Variants in RCAN2 observed in about 807,000 individuals in gnomAD.
The protein encoded by RCAN2 is calcipressin-2.
In RCAN2, 9 loss-of-function variants were observed where a neutral mutation model predicts 23.6. That is an observed-to-expected ratio of 0.38 (90% confidence interval 0.23 to 0.67). The LOEUF (loss-of-function observed/expected upper bound fraction) is 0.67. Among genes scored for constraint, RCAN2 ranks in the 30% least tolerant of loss-of-function variants. RCAN2 has a pLI of 0.51. For missense variants in RCAN2, 273 were observed against 302.3 expected (o/e 0.90, Z 0.72); for synonymous variants, 109 against 115.7 (o/e 0.94, Z 0.37).
At chr6:46,260,212 A>G (rs561867565) in intron 2 of RCAN2, among the ~76,000 whole-genome samples, 2 of 152,186 alleles carry the variant, frequency 1.3e-5, no homozygotes, top group African/African-American at 2.4e-5. Context: ...AAAGACACTT[A>G]TCACTGAGGA....
In RCAN2 at chr6:46,253,376, A is replaced by G. The variant is rs563281989; in HGVS notation, c.226-4480T>C. Among the ~76,000 whole-genome samples, 390 of 152,346 alleles carry G rather than the reference A, an allele frequency of 2.6e-3. 1 individual carries two copies. The highest frequency in any genetic ancestry group is 4.6e-3 in the Non-Finnish European group (313 of 68,018). On this transcript the variant is annotated intron_variant, in intron 2 of 4. Coordinates refer to ENST00000371374, the MANE Select transcript of RCAN2 (RefSeq NM_001251974.2). ...TTTGAGAAACTGTCTGCCAAATACC[A>G]AAGTGTCCATAACTATACTTTGCCT...
At chr6:46,449,522 C>A (rs920834495) in intron 2 of RCAN2, among the ~76,000 whole-genome samples, 1 of 150,314 alleles carries the variant, frequency 6.7e-6, no homozygotes. Context: ...TATATGGAAC[C>A]ACAAAGGACT....
chr6:46,473,477 A>T (rs1201534918), intron 1 of RCAN2, among the ~76,000 whole-genome samples: 1 of 152,172 alleles, frequency 6.6e-6, no homozygotes, highest in Non-Finnish European at 1.5e-5. Flanking sequence ...ATAAACTATT[A>T]CCTATAAATC....
chr6:46,479,398 C>A (rs1768795994), intron 1 of RCAN2, among the ~76,000 whole-genome samples: 1 of 152,054 alleles, frequency 6.6e-6, no homozygotes. Flanking sequence ...AAGTTTTAAC[C>A]AAATACCCAC....
chr6:46,340,711 G>C (rs756338880), intron 2 of RCAN2, among the ~76,000 whole-genome samples: 23 of 152,200 alleles, frequency 1.5e-4, no homozygotes, highest in Non-Finnish European at 2.5e-4. Context: ...AAATTTTAGA[G>C]TGTATCTGGT....
chr6:46,410,090 T>C (rs1766505458), intron 2 of RCAN2, among the ~76,000 whole-genome samples: 1 of 152,126 alleles, frequency 6.6e-6, no homozygotes, highest in African/African-American at 2.4e-5. Context: ...CTCTCCAGCC[T>C]TAGAATTCTG....
rs56237510 is a variant in RCAN2 at position 46,354,205 on chromosome 6, C to CTGTGTGTG, written c.225+102539_225+102546dup. ...TACATGTGTATGGTGTGTTATTTTA[C>CTGTGTGTG]TGTGTGTGTGTGTGTGTGTGTGTGT... On this transcript the variant is annotated intron_variant, in intron 2 of 4. Coordinates refer to ENST00000371374, the MANE Select transcript of RCAN2 (RefSeq NM_001251974.2). Among the ~76,000 whole-genome samples the CTGTGTGTG allele has an allele frequency of 2.1e-3, 286 of 133,062 alleles. 3 individuals carry two copies. Among genetic ancestry groups the CTGTGTGTG allele is most frequent in the African/African-American group, 7.4e-3 (255 of 34,610 alleles). 87.3% of individuals were successfully genotyped at this position (133,062 alleles called of 152,430 possible). A position where few individuals can be genotyped will look rare whatever the true frequency, so the allele number is the denominator to read the frequency against.
intron 2 of RCAN2, among the ~76,000 whole-genome samples, chr6:46,384,322 C>T (rs1765686917): frequency 6.6e-6 from 1 of 152,212 alleles, no homozygotes; most frequent in South Asian, 2.1e-4. Flanking sequence ...GTTTTCCTGA[C>T]TGGACCTTGA....
intron 2 of RCAN2, among the ~76,000 whole-genome samples, chr6:46,376,610 G>A (rs575904815): frequency 2.0e-5 from 3 of 152,236 alleles, no homozygotes; most frequent in Non-Finnish European, 2.9e-5. Context: ...AACCTGGGAG[G>A]TGGAGGTTGC....
chr6:46,489,780 A>T (rs1215560696), intron 1 of RCAN2, among the ~76,000 whole-genome samples: 1 of 152,248 alleles, frequency 6.6e-6, no homozygotes, highest in East Asian at 1.9e-4. Context: ...GGACTCAGGT[A>T]GTAGATGCTC....
Position 46,317,737 on chromosome 6 carries a change from T to C in RCAN2, c.226-68841A>G, listed in dbSNP as rs189568178. Among the ~76,000 whole-genome samples the C allele has an allele frequency of 2.3e-3, 346 of 152,324 alleles. 1 individual carries two copies. Among genetic ancestry groups the C allele is most frequent in the Non-Finnish European group, 3.7e-3 (249 of 68,018 alleles). The stretch of plus-strand genomic sequence containing the variant: ...GCCTCGGCCTCCCAAAGTGTTGGGA[T>C]TACAGGCGTAAGGCACCGCGCCCGG... On this transcript the variant is annotated intron_variant, in intron 2 of 4. Coordinates refer to ENST00000371374, the MANE Select transcript of RCAN2 (RefSeq NM_001251974.2).
intron 2 of RCAN2, among the ~76,000 whole-genome samples, chr6:46,287,354 C>G (rs1247609583): frequency 6.6e-6 from 1 of 152,226 alleles, no homozygotes; most frequent in Non-Finnish European, 1.5e-5. Context: ...TTACGTAGCC[C>G]AGTTCTGGAC....
At chr6:46,375,774 G>A (rs986423128) in intron 2 of RCAN2, among the ~76,000 whole-genome samples, 3 of 152,208 alleles carry the variant, frequency 2.0e-5, no homozygotes, top group African/African-American at 7.2e-5. Context: ...AAAAGAATGA[G>A]TGTGGCTCTG....
intron 2 of RCAN2, among the ~76,000 whole-genome samples, chr6:46,259,755 C>T (rs1162161662): frequency 6.6e-6 from 1 of 152,178 alleles, no homozygotes; most frequent in African/African-American, 2.4e-5. Context: ...TGCTTCTGAC[C>T]CACTAGTTAT....
intron 2 of RCAN2, among the ~76,000 whole-genome samples, chr6:46,276,841 G>A (rs1210998078): frequency 6.6e-6 from 1 of 152,198 alleles, no homozygotes; most frequent in Non-Finnish European, 1.5e-5. Context: ...TTCCCAGATA[G>A]GTTGAACAGA....
chr6:46,436,429 G>T (rs1356975633), intron 2 of RCAN2, among the ~76,000 whole-genome samples: 2 of 152,282 alleles, frequency 1.3e-5, no homozygotes, highest in East Asian at 1.9e-4. Flanking sequence ...TGGCCAGGCT[G>T]GTTTCGAACT....
rs563343675 is a variant in RCAN2, at chr6:46,282,653, T to A, written c.226-33757A>T. Among the ~76,000 whole-genome samples, 4 of 152,326 alleles carry A rather than the reference T, an allele frequency of 2.6e-5. No individual in the cohort carries two copies. In the South Asian group the frequency reaches 8.3e-4, roughly 32 times the overall value. On this transcript the variant is annotated intron_variant, in intron 2 of 4. Transcript: ENST00000371374. ...CCAAAGCCTGTTTTTGGACCACTGATCTAGAGCTTAGGAGGAGACGTTCAT... is the reference window on the plus strand; with the variant it reads ...CCAAAGCCTGTTTTTGGACCACTGAACTAGAGCTTAGGAGGAGACGTTCAT...
intron 2 of RCAN2, among the ~76,000 whole-genome samples, chr6:46,284,677 C>T (rs984834209): frequency 1.3e-5 from 2 of 152,140 alleles, no homozygotes; most frequent in Non-Finnish European, 2.9e-5. Flanking sequence ...GGCTGGTGCC[C>T]GAGTGAGTCA....
chr6:46,472,346 T>C (rs1365298006), intron 1 of RCAN2, among the ~76,000 whole-genome samples: 2 of 152,176 alleles, frequency 1.3e-5, no homozygotes, highest in Non-Finnish European at 2.9e-5. Flanking sequence ...ATTCTAAAGA[T>C]GGATGTATTG....
Sources: gnomAD v4.1 joint callset for allele counts (sites outside exome capture counted in the v4.1 genomes callset) on GRCh38, gnomAD v4.1.1 for gene constraint, MANE v1.5 for transcripts, NCBI Gene and HGNC (gene_info 2026-07-23, HGNC 2026-07-21) for gene names.